VTI1B: variants seen among roughly 807,000 people sequenced by gnomAD.
The protein encoded by VTI1B is vesicle transport through interaction with t-SNAREs 1B, also known as vesicle transport through interaction with t-SNAREs homolog 1B.
A neutral mutation model predicts 28.6 loss-of-function variants in VTI1B; 18 were observed. The ratio of observed to expected loss-of-function variants is 0.63; its 90% CI spans 0.43 to 0.93. The LOEUF (loss-of-function observed/expected upper bound fraction) is 0.93, where lower values mean the gene tolerates loss of function less well. VTI1B is among the 40% of genes least tolerant of loss of function. VTI1B has a pLI of 0.00. For missense variants in VTI1B, 283 were observed against 297.0 expected (o/e 0.95, Z 0.35); for synonymous variants, 100 against 107.9 (o/e 0.93, Z 0.46).
chr14:67,667,715 C>T (rs60851053), intron 1 of VTI1B, among the ~76,000 whole-genome samples: 13,728 of 152,080 alleles, frequency 0.09, 878 homozygotes, highest in East Asian at 0.23. Flanking sequence ...GAGGCCGAGG[C>T]GGGCGGATCA....
At position 67,661,309 on chromosome 14, in the gene VTI1B, T is replaced by TC. The variant is rs1454540707; in HGVS notation, c.174+1167_174+1168insG. 2.0e-5 allele frequency among the ~76,000 whole-genome samples: 3 copies of TC among 151,092 alleles called. No homozygotes were observed. In the East Asian group the frequency reaches 5.8e-4, roughly 29 times the overall value. On this transcript the variant is annotated intron_variant, in intron 2 of 5. Transcript: ENST00000554659. ...AAAAAAAAAAAAAAAAGTTTTTTTT[T>TC]TTTAAAGAAAAGCCACAGGTGAAGA...
chr14:67,659,655 C>A (rs2037310509), intron 3 of VTI1B, 76 bp downstream of exon 3: 4 of 1,420,840 alleles, frequency 2.8e-6, no homozygotes, highest in Admixed American at 4.8e-5. Context: ...ACATGAAATA[C>A]CCCAACAATA....
At chr14:67,662,142 C>G (rs372811374) in intron 2 of VTI1B, among the ~76,000 whole-genome samples, 1 of 150,168 alleles carries the variant, frequency 6.7e-6, no homozygotes, top group African/African-American at 2.5e-5. Flanking sequence ...GGCAACAGAG[C>G]GAGACTCTGT....
intron 5 of VTI1B, chr14:67,652,602 G>A (rs1395124971): frequency 6.6e-6 from 1 of 152,220 alleles, no homozygotes; most frequent in Non-Finnish European, 1.5e-5. Context: ...AGTGCCAGCA[G>A]ATTCTGCAGC....
intron 1 of VTI1B, among the ~76,000 whole-genome samples, chr14:67,670,205 C>T (rs1227678887): frequency 6.6e-6 from 1 of 152,184 alleles, no homozygotes; most frequent in Non-Finnish European, 1.5e-5. Context: ...CCATTAATGC[C>T]CTCCTTCTAA....
intron 5 of VTI1B, 29 bp from the exon 6 acceptor site, chr14:67,651,510 T>C: frequency 6.2e-7 from 1 of 1,611,098 alleles, no homozygotes; most frequent in Non-Finnish European, 8.5e-7. Flanking sequence ...TGGGGAGTAG[T>C]CAGAAGTTTG....
intron 1 of VTI1B, chr14:67,662,971 GA>G: frequency 7.4e-7 from 1 of 1,343,602 alleles, no homozygotes; most frequent in African/African-American, 1.5e-5. Context: ...CTCCCACAGT[GA>G]ACCACTTCTA....
intron 1 of VTI1B, among the ~76,000 whole-genome samples, chr14:67,667,121 T>C (rs760920384): frequency 2.6e-5 from 4 of 152,076 alleles, no homozygotes; most frequent in African/African-American, 7.2e-5. Context: ...TTTGGGAAAC[T>C]GGGTGGATGC....
At position 67,674,538 on chromosome 14, in the gene VTI1B, C is replaced by T. The variant is rs1878762766; in HGVS notation, c.-49G>A. On this transcript the variant is annotated 5_prime_UTR_variant, in exon 1 of 6. Coordinates refer to ENST00000554659, the MANE Select transcript of VTI1B (RefSeq NM_006370.3). The stretch of plus-strand genomic sequence containing the variant: ...GGCCACCGAGATTCGGGGCCCTGGG[C>T]CCTTTCCTAGCCCGGCGGTCAGCCG... The T allele has an allele frequency of 6.6e-7, 1 of 1,504,106 alleles. No individual in the cohort carries two copies. Among genetic ancestry groups the T allele is most frequent in the Non-Finnish European group, 8.9e-7 (1 of 1,123,512 alleles). 93.2% of individuals were successfully genotyped at this position (1,504,106 alleles called of 1,614,324 possible).
chr14:67,672,685 C>T (rs997222117), intron 1 of VTI1B, among the ~76,000 whole-genome samples: 3 of 151,802 alleles, frequency 2.0e-5, no homozygotes, highest in Non-Finnish European at 2.9e-5. Context: ...TCAAGTGATC[C>T]GCCCGCCTCG....
Position 67,648,911 on chromosome 14 carries a change from C to G in VTI1B, c.*2474G>C, listed in dbSNP as rs982861980. ...GGAACTAGGGTATAGATAGAGACCC[C>G]AGATTGAAAGGTTCAGGGCTATAGA... is the stretch of plus-strand genomic sequence containing the variant. On this transcript the variant is annotated 3_prime_UTR_variant, in exon 6 of 6. Coordinates refer to ENST00000554659, the MANE Select transcript of VTI1B (RefSeq NM_006370.3). The G allele has an allele frequency of 6.6e-6, 1 of 152,102 alleles. No homozygotes were observed. The highest frequency in any genetic ancestry group is 2.4e-5 in the African/African-American group (1 of 41,398). The allele number at this position is 152,102 out of a possible 1,614,324, so 9.4% of individuals were successfully genotyped here.
At chr14:67,669,636 C>T (rs2037442703) in intron 1 of VTI1B, among the ~76,000 whole-genome samples, 1 of 152,134 alleles carries the variant, frequency 6.6e-6, no homozygotes, top group African/African-American at 2.4e-5. Context: ...GATCTCTGTT[C>T]TACAGGTACC....
chr14:67,663,326 T>C (rs1425871710), intron 1 of VTI1B: 2 of 623,854 alleles, frequency 3.2e-6, no homozygotes, highest in East Asian at 6.0e-5. Flanking sequence ...CATTTTTAAA[T>C]AACATTGTTT....
chr14:67,656,905 T>C (rs2037265586), intron 3 of VTI1B, among the ~76,000 whole-genome samples: 1 of 152,188 alleles, frequency 6.6e-6, no homozygotes, highest in Admixed American at 6.5e-5. Context: ...ATGTGCCTCC[T>C]GGACTATCAA....
chr14:67,673,808 C>T (rs1260253247), intron 1 of VTI1B, among the ~76,000 whole-genome samples: 1 of 152,172 alleles, frequency 6.6e-6, no homozygotes, highest in Non-Finnish European at 1.5e-5. Context: ...TTGTAGCAAC[C>T]TGAATCATGA....
chr14:67,663,169 A>C (rs1321924080), intron 1 of VTI1B: 1 of 1,533,070 alleles, frequency 6.5e-7, no homozygotes, highest in East Asian at 2.4e-5. Context: ...TATCTTTAAT[A>C]CCTAAAAATT....
At chr14:67,669,087 A>G (rs1225788898) in intron 1 of VTI1B, among the ~76,000 whole-genome samples, 1 of 152,094 alleles carries the variant, frequency 6.6e-6, no homozygotes, top group Non-Finnish European at 1.5e-5. Context: ...TCCTCACAAA[A>G]ACCCTGTGAA....
chr14:67,662,772 C>T (rs2037353633), intron 1 of VTI1B, among the ~76,000 whole-genome samples: 1 of 151,988 alleles, frequency 6.6e-6, no homozygotes, highest in South Asian at 2.1e-4. Flanking sequence ...GGCGTGGTGG[C>T]AGGCACCTGT....
At position 67,647,148 on chromosome 14, in the gene VTI1B, AG is replaced by A. The variant is rs1049524273; in HGVS notation, c.*4236del. ...CAAAAACATACACATAATTTTAAAT[AG>A]TTCAGAAAGGCAAAATTTGAAACAC... On this transcript the variant is annotated 3_prime_UTR_variant, in exon 6 of 6. Coordinates refer to ENST00000554659, the MANE Select transcript of VTI1B (RefSeq NM_006370.3). 46 of 664,962 alleles carry A rather than the reference AG, an allele frequency of 6.9e-5. No individual in the cohort carries two copies. The African/African-American group carries it at 7.3e-4, about 11-fold the overall frequency. 41.2% of individuals were successfully genotyped at this position (664,962 alleles called of 1,614,324 possible).
Sources: allele counts gnomAD v4.1 joint callset (sites outside exome capture counted in the v4.1 genomes callset), GRCh38; gene constraint gnomAD v4.1.1; transcripts MANE v1.5; gene names NCBI Gene and HGNC (gene_info 2026-07-23, HGNC 2026-07-21).